Variants in KCNH5 observed in about 807,000 individuals in gnomAD.
KCNH5 encodes potassium voltage-gated channel subfamily H member 5.
KCNH5 carries 46 observed loss-of-function variants against 96.1 expected under a neutral mutation model. The observed-to-expected ratio is 0.48, with a 90% CI of 0.38 to 0.61. The LOEUF (loss-of-function observed/expected upper bound fraction) is 0.61. KCNH5 is among the 20% of genes least tolerant of loss of function. KCNH5 has a pLI of 0.00. For synonymous variants in KCNH5, 439 were observed against 449.8 expected, an observed-to-expected ratio of 0.98 and a Z score of 0.30; for missense variants, 907 against 1,225.8, an observed-to-expected ratio of 0.74 and a Z score of 3.88.
In KCNH5 at chr14:62,971,119, T is replaced by C. The variant is rs529186259; in HGVS notation, c.942+9753A>G. The stretch of plus-strand genomic sequence containing the variant: ...GAGATGATTATCTATGTAGAAAATA[T>C]GAATAAATTGACCAAAAACCATGAA... On this transcript the variant is annotated intron_variant, in intron 6 of 10. Transcript: ENST00000322893. Among the ~76,000 whole-genome samples the C allele has an allele frequency of 3.9e-5, 6 of 152,170 alleles. No homozygotes were observed. In the South Asian group the frequency reaches 1.2e-3, roughly 32 times the overall value.
At chr14:62,998,712 T>C (rs1890955397) in intron 4 of KCNH5, among the ~76,000 whole-genome samples, 1 of 152,236 alleles carries the variant, frequency 6.6e-6, no homozygotes. Flanking sequence ...CTTCTTTGAT[T>C]TGTTTAGAAA....
chr14:62,995,660 T>A (rs1329096896), intron 4 of KCNH5, among the ~76,000 whole-genome samples: 1 of 152,132 alleles, frequency 6.6e-6, no homozygotes, highest in East Asian at 1.9e-4. Flanking sequence ...TCTTGTCCAC[T>A]CACTATTCCA....
At chr14:62,721,946 C>T (rs1309411111) in intron 10 of KCNH5, among the ~76,000 whole-genome samples, 1 of 152,168 alleles carries the variant, frequency 6.6e-6, no homozygotes. Flanking sequence ...GTCAATATCA[C>T]ATATTTTAGA....
At chr14:62,859,965 T>C (rs1566685009) in intron 7 of KCNH5, among the ~76,000 whole-genome samples, 1 of 152,226 alleles carries the variant, frequency 6.6e-6, no homozygotes, top group African/African-American at 2.4e-5. Context: ...CACTTCTTCA[T>C]GTAACTTACT....
chr14:62,907,847 A>G (rs1749355836), intron 7 of KCNH5, among the ~76,000 whole-genome samples: 1 of 152,196 alleles, frequency 6.6e-6, no homozygotes, highest in Non-Finnish European at 1.5e-5. Context: ...CCTGTGTAAC[A>G]GCATAATAAA....
intron 7 of KCNH5, among the ~76,000 whole-genome samples, chr14:62,934,116 ATTTC>A (rs756930463): frequency 1.2e-4 from 17 of 146,656 alleles, no homozygotes; most frequent in Middle Eastern, 7.1e-3. Flanking sequence ...TCAAATGCAG[ATTTC>A]TTTCTTTCTT....
intron 9 of KCNH5, among the ~76,000 whole-genome samples, chr14:62,797,573 A>C (rs1772167973): frequency 6.6e-6 from 1 of 152,224 alleles, no homozygotes; most frequent in Non-Finnish European, 1.5e-5. Context: ...TAACTACAGC[A>C]TAAAAATCAC....
At chr14:62,785,709 G>A (rs1418697627) in intron 9 of KCNH5, among the ~76,000 whole-genome samples, 1 of 152,130 alleles carries the variant, frequency 6.6e-6, no homozygotes, top group African/African-American at 2.4e-5. Context: ...GACTCATATA[G>A]TAGGAAACTG....
intron 7 of KCNH5, among the ~76,000 whole-genome samples, chr14:62,908,863 CCTT>C (rs1308989134): frequency 1.5e-4 from 19 of 127,150 alleles, no homozygotes; most frequent in South Asian, 8.2e-4. Flanking sequence ...TCCTGTGACT[CCTT>C]CTAGCAAATC....
At chr14:62,769,415 C>G (rs764160252) in intron 10 of KCNH5, among the ~76,000 whole-genome samples, 15 of 152,202 alleles carry the variant, frequency 9.9e-5, no homozygotes, top group Non-Finnish European at 1.8e-4. Flanking sequence ...TCAGAGCAAT[C>G]GTTTTCTCTT....
At chr14:62,709,436 C>CT (rs1387797353) in intron 10 of KCNH5, among the ~76,000 whole-genome samples, 7 of 152,144 alleles carry the variant, frequency 4.6e-5, no homozygotes, top group African/African-American at 1.7e-4. Context: ...GTAACACCAG[C>CT]TTAGTACACA....
intron 7 of KCNH5, among the ~76,000 whole-genome samples, chr14:62,937,507 GGA>G (rs2140120780): frequency 6.6e-6 from 1 of 152,226 alleles, no homozygotes; most frequent in Admixed American, 6.5e-5. Flanking sequence ...CTTCCTAAGG[GGA>G]GAGTCAGGAG....
chr14:63,006,430 T>C lies in KCNH5; in HGVS notation c.240A>G (p.Lys80=), dbSNP rs1566538363. 6.2e-7 allele frequency: 1 copy of C among 1,613,106 alleles called. No homozygotes were observed. The highest frequency in any genetic ancestry group is 2.2e-5 in the East Asian group (1 of 44,824). Residue 80 remains lysine (K), a synonymous_variant, in exon 3 of 11, where the codon AAA becomes AAG. Transcript: ENST00000322893. ...CGTAGTTGTCAAAAGTTTGCCTGAC[T>C]TTCTCAATGGTCTTCTTGTCAGTCA... is the stretch of plus-strand genomic sequence containing the variant. ...GELTDKKTIE[K]VRQTFDNYES... is the part of the protein sequence containing the mutation.
At chr14:62,811,032 G>C (rs1050587622) in intron 8 of KCNH5, among the ~76,000 whole-genome samples, 4 of 151,914 alleles carry the variant, frequency 2.6e-5, no homozygotes, top group Admixed American at 6.6e-5. Flanking sequence ...AACAATGACA[G>C]TATGTAAGAA....
chr14:62,956,544 C>T lies in KCNH5; in HGVS notation c.943-5985G>A, dbSNP rs1479992031. Among the ~76,000 whole-genome samples, 3 of 146,504 alleles carry T rather than the reference C, an allele frequency of 2.0e-5. No individual in the cohort carries two copies. In the East Asian group the frequency reaches 6.0e-4, roughly 29 times the overall value. ...AAAATGTTATGGAAAACCTAATAGT[C>T]ACTGATGTGTTATTAAGCTAACATT... On this transcript the variant is annotated intron_variant, in intron 6 of 10. Coordinates refer to ENST00000322893, the MANE Select transcript of KCNH5 (RefSeq NM_139318.5).
At chr14:62,831,686 G>A (rs979252880) in intron 8 of KCNH5, among the ~76,000 whole-genome samples, 13 of 151,930 alleles carry the variant, frequency 8.6e-5, no homozygotes, top group African/African-American at 3.1e-4. Flanking sequence ...CACTTTTCTT[G>A]TAATGTGTTT....
chr14:62,976,488 G>T (rs764767973), intron 6 of KCNH5, among the ~76,000 whole-genome samples: 34 of 151,340 alleles, frequency 2.2e-4, no homozygotes, highest in Non-Finnish European at 3.5e-4. Context: ...AGAAAATTTA[G>T]AAAAGGTCAG....
intron 8 of KCNH5, among the ~76,000 whole-genome samples, chr14:62,803,536 T>A (rs1595629784): frequency 6.6e-6 from 1 of 152,182 alleles, no homozygotes; most frequent in Non-Finnish European, 1.5e-5. Context: ...TGTATGGCAG[T>A]CCTTGTTCAT....
intron 7 of KCNH5, among the ~76,000 whole-genome samples, chr14:62,876,494 A>G (rs2140071663): frequency 6.6e-6 from 1 of 152,386 alleles, no homozygotes; most frequent in Admixed American, 6.5e-5. Context: ...ACAAGTGAAT[A>G]TAGTCATATA....
Sources: gnomAD v4.1 joint callset for allele counts (sites outside exome capture counted in the v4.1 genomes callset) on GRCh38, gnomAD v4.1.1 for gene constraint, MANE v1.5 for transcripts, NCBI Gene and HGNC (gene_info 2026-07-23, HGNC 2026-07-21) for gene names.